The following ERC2 variants were observed in gnomAD, a reference collection of about 807,000 sequenced individuals.
ERC2 encodes ERC protein 2.
ERC2 carries 42 observed loss-of-function variants against 114.8 expected under a neutral mutation model. The ratio of observed to expected loss-of-function variants is 0.37; its 90% CI spans 0.29 to 0.47. ERC2 has a LOEUF of 0.47. ERC2 is among the 20% of genes least tolerant of loss of function. ERC2 has a pLI of 0.99. For synonymous variants in ERC2, 454 were observed against 425.5 expected (o/e 1.07, Z -0.82); for missense variants, 939 against 1,150.7 (o/e 0.82, Z 2.66).
intron 12 of ERC2, among the ~76,000 whole-genome samples, chr3:55,980,298 ATT>A (rs1319699903): frequency 6.6e-6 from 1 of 152,144 alleles, no homozygotes; most frequent in Non-Finnish European, 1.5e-5. Context: ...TGTCGAAAGC[ATT>A]TGTTATACGT....
At chr3:56,068,977 G>T (rs762622758) in intron 7 of ERC2, among the ~76,000 whole-genome samples, 1 of 152,184 alleles carries the variant, frequency 6.6e-6, no homozygotes, top group Non-Finnish European at 1.5e-5. Flanking sequence ...CGATTTTAGA[G>T]TAAGTGCCAT....
At chr3:55,635,172 C>T (rs1011726695) in intron 17 of ERC2, among the ~76,000 whole-genome samples, 5 of 151,690 alleles carry the variant, frequency 3.3e-5, no homozygotes, top group African/African-American at 7.2e-5. Flanking sequence ...CGTGAGCCAC[C>T]GTGCCCGGCC....
chr3:55,850,192 C>A (rs1295811951), intron 14 of ERC2, among the ~76,000 whole-genome samples: 1 of 152,176 alleles, frequency 6.6e-6, no homozygotes, highest in African/African-American at 2.4e-5. Context: ...CTCATAAGAA[C>A]ATCTGTCATT....
intron 13 of ERC2, among the ~76,000 whole-genome samples, chr3:55,919,701 A>G (rs2065304383): frequency 6.6e-6 from 1 of 152,176 alleles, no homozygotes; most frequent in South Asian, 2.1e-4. Context: ...AATAAAGCAG[A>G]AGAAGGAGAT....
chr3:56,432,720 C>T (rs757894584), intron 2 of ERC2, among the ~76,000 whole-genome samples: 7 of 152,204 alleles, frequency 4.6e-5, no homozygotes, highest in Admixed American at 1.3e-4. Context: ...CAGCAGGTGA[C>T]TCCAAGAAAG....
chr3:55,655,685 C>T (rs1238615928), intron 17 of ERC2, among the ~76,000 whole-genome samples: 2 of 152,156 alleles, frequency 1.3e-5, no homozygotes, highest in South Asian at 4.1e-4. Context: ...GGCCAGGTGC[C>T]TTCTTTCTCC....
intron 2 of ERC2, among the ~76,000 whole-genome samples, chr3:56,415,113 C>G (rs1173892555): frequency 1.3e-5 from 2 of 152,194 alleles, no homozygotes; most frequent in Non-Finnish European, 2.9e-5. Context: ...GTCACACAGC[C>G]AACTTGTAGC....
intron 1 of ERC2, among the ~76,000 whole-genome samples, chr3:56,438,201 G>A (rs2062115915): frequency 6.6e-6 from 1 of 152,162 alleles, no homozygotes; most frequent in Non-Finnish European, 1.5e-5. Context: ...CTCCCAGATA[G>A]TGTCAAGGAG....
chr3:55,904,067 G>A (rs866683251), intron 13 of ERC2, among the ~76,000 whole-genome samples: 1 of 152,166 alleles, frequency 6.6e-6, no homozygotes, highest in Non-Finnish European at 1.5e-5. Flanking sequence ...AAAAATTCAG[G>A]TTCTAAAAGC....
chr3:55,654,314 G>C (rs940856409), intron 17 of ERC2, among the ~76,000 whole-genome samples: 1 of 152,212 alleles, frequency 6.6e-6, no homozygotes, highest in Non-Finnish European at 1.5e-5. Context: ...CACAAATCCA[G>C]TGTTGGGTGG....
chr3:56,031,382 TG>T (rs1218687746), intron 7 of ERC2, among the ~76,000 whole-genome samples: 1 of 152,046 alleles, frequency 6.6e-6, no homozygotes, highest in East Asian at 1.9e-4. Flanking sequence ...CACATACCCA[TG>T]GCTGGCCCCA....
intron 2 of ERC2, among the ~76,000 whole-genome samples, chr3:56,377,866 A>G (rs2059604170): frequency 7.0e-6 from 1 of 143,176 alleles, no homozygotes; most frequent in Non-Finnish European, 1.5e-5. Context: ...AAAAAAAACA[A>G]AAAACAAAAA....
chr3:56,367,945 TAAAAAAAAAAAA>T (rs56372235), intron 2 of ERC2, among the ~76,000 whole-genome samples: 11 of 118,076 alleles, frequency 9.3e-5, no homozygotes, highest in African/African-American at 2.2e-4. Context: ...CATCTCTCTT[TAAAAAAAAAAAA>T]AAAAAAAAAG....
chr3:56,374,153 G>A (rs2059452195), intron 2 of ERC2, among the ~76,000 whole-genome samples: 2 of 152,162 alleles, frequency 1.3e-5, no homozygotes, highest in Admixed American at 6.5e-5. Context: ...CTGGAGTGCA[G>A]AGGCGAGATC....
chr3:55,803,591 C>T (rs2059385649), intron 14 of ERC2, among the ~76,000 whole-genome samples: 1 of 146,566 alleles, frequency 6.8e-6, no homozygotes, highest in Non-Finnish European at 1.5e-5. Context: ...TATTTTGTAT[C>T]TGGTCCCCTG....
At position 56,037,653 on chromosome 3, in the gene ERC2, C is replaced by T. The variant is rs184809977; in HGVS notation, c.1642-18622G>A. On this transcript the variant is annotated intron_variant, in intron 7 of 17. Coordinates refer to ENST00000288221, the MANE Select transcript of ERC2 (RefSeq NM_015576.3). The stretch of plus-strand genomic sequence containing the variant: ...TTCAGGATATCATCCAGGAGAACTT[C>T]CCCAGTCTAGAAAGACAGGCCAACA... Among the ~76,000 whole-genome samples, 1,189 of 152,288 alleles carry T rather than the reference C, an allele frequency of 7.8e-3. 8 individuals carry two copies. Among genetic ancestry groups the T allele is most frequent in the Admixed American group, 0.019 (288 of 15,292 alleles).
intron 17 of ERC2, among the ~76,000 whole-genome samples, chr3:55,583,383 T>C (rs7647338): frequency 0.1 from 12,640 of 125,408 alleles, 782 homozygotes; most frequent in Middle Eastern, 0.12. Flanking sequence ...TCTTTCCTTC[T>C]TTCTTTCCTT....
chr3:56,300,500 C>T (rs1576337691), intron 2 of ERC2, among the ~76,000 whole-genome samples: 1 of 152,080 alleles, frequency 6.6e-6, no homozygotes, highest in Middle Eastern at 3.4e-3. Context: ...ATTTGAAGGG[C>T]AAATGAGAGT....
At chr3:56,445,320 C>A (rs2062510035) in intron 1 of ERC2, among the ~76,000 whole-genome samples, 1 of 152,190 alleles carries the variant, frequency 6.6e-6, no homozygotes, top group Non-Finnish European at 1.5e-5. Flanking sequence ...TTAAACAATT[C>A]ATTCTTTTAC....
Sources: allele counts gnomAD v4.1 joint callset (sites outside exome capture counted in the v4.1 genomes callset), GRCh38; gene constraint gnomAD v4.1.1; transcripts MANE v1.5; gene names NCBI Gene and HGNC (gene_info 2026-07-23, HGNC 2026-07-21).